The following GAL3ST1 variants were observed in gnomAD, a reference collection of about 807,000 sequenced individuals.
GAL3ST1 encodes the protein galactosylceramide sulfotransferase.
Under a neutral mutation model 25.0 loss-of-function variants are expected in GAL3ST1, and 13 were observed. The ratio of observed to expected loss-of-function variants is 0.52; its 90% CI spans 0.34 to 0.83. The LOEUF is 0.83. GAL3ST1 is among the 40% of genes least tolerant of loss of function. GAL3ST1 has a pLI of 0.02. For missense variants in GAL3ST1, 474 were observed against 613.6 expected (o/e 0.77, Z 2.40); for synonymous variants, 274 against 277.8 (o/e 0.99, Z 0.14).
At chr22:30,570,525 G>C (rs2086748749) in intron 1 of GAL3ST1, among the ~76,000 whole-genome samples, 2 of 152,222 alleles carry the variant, frequency 1.3e-5, no homozygotes, top group African/African-American at 4.8e-5. Flanking sequence ...GACCGGATGT[G>C]GTGGCTCACG....
At chr22:30,563,756 A>G (rs1388046590) in intron 1 of GAL3ST1, among the ~76,000 whole-genome samples, 1 of 122,076 alleles carries the variant, frequency 8.2e-6, no homozygotes, top group African/African-American at 3.3e-5. Flanking sequence ...TACTAAAAAT[A>G]CAAAAAAAAA....
At chr22:30,572,382 C>T (rs1289952137) in intron 1 of GAL3ST1, among the ~76,000 whole-genome samples, 1 of 152,228 alleles carries the variant, frequency 6.6e-6, no homozygotes, top group Non-Finnish European at 1.5e-5. Context: ...CAAATGCTGG[C>T]TCCACCACCC....
intron 1 of GAL3ST1, among the ~76,000 whole-genome samples, chr22:30,563,512 A>C (rs1274126054): frequency 6.6e-6 from 1 of 152,204 alleles, no homozygotes; most frequent in African/African-American, 2.4e-5. Flanking sequence ...GCTACTGGGG[A>C]GGCTGAGGCG....
At chr22:30,568,489 G>A (rs1175151363) in intron 1 of GAL3ST1, among the ~76,000 whole-genome samples, 2 of 152,166 alleles carry the variant, frequency 1.3e-5, no homozygotes, top group East Asian at 1.9e-4. Flanking sequence ...GGAGCTGGGA[G>A]GAGCCTAGGT....
chr22:30,557,318 G>A lies in GAL3ST1; in HGVS notation c.75C>T (p.Phe25=), dbSNP rs765213740. ...CGGCATAGGAGTACACCAGCAGCAG[G>A]AAACTAGTGAAGAGCGCGCCCAGCA... ...GLVLGALFTS[F]LLLVYSYAVP... Residue 25 remains phenylalanine, a synonymous_variant, in exon 3 of 4, where the codon TTC becomes TTT. Coordinates refer to ENST00000406361, the MANE Select transcript of GAL3ST1 (RefSeq NM_001318104.2). 22 of 1,614,224 alleles carry A rather than the reference G, an allele frequency of 1.4e-5. No homozygotes were observed. The highest frequency in any genetic ancestry group is 2.2e-5 in the South Asian group (2 of 91,080).
At chr22:30,568,442 G>C (rs1378005562) in intron 1 of GAL3ST1, among the ~76,000 whole-genome samples, 1 of 152,194 alleles carries the variant, frequency 6.6e-6, no homozygotes, top group Admixed American at 6.5e-5. Flanking sequence ...CCATTTACTG[G>C]ATGAACGGGG....
chr22:30,557,811 T>C (rs1360564162), intron 2 of GAL3ST1: 2 of 153,490 alleles, frequency 1.3e-5, no homozygotes, highest in East Asian at 3.8e-4. Context: ...TTATCTTATT[T>C]TTTCTTCTGT....
chr22:30,569,931 A>G (rs564786116), intron 1 of GAL3ST1, among the ~76,000 whole-genome samples: 147 of 152,172 alleles, frequency 9.7e-4, no homozygotes, highest in Middle Eastern at 6.8e-3. Context: ...AAAAATTTAA[A>G]CATTAGCCCT....
At chr22:30,564,212 C>A (rs1455252726) in intron 1 of GAL3ST1, among the ~76,000 whole-genome samples, 1 of 152,182 alleles carries the variant, frequency 6.6e-6, no homozygotes, top group Non-Finnish European at 1.5e-5. Context: ...AGTCACTCAG[C>A]AGGGCCTGCC....
chr22:30,564,305 ATGGAGGCT>A (rs574200320), intron 1 of GAL3ST1, among the ~76,000 whole-genome samples: 191 of 152,356 alleles, frequency 1.3e-3, no homozygotes, highest in African/African-American at 4.0e-3. Flanking sequence ...CTGGCCCACG[ATGGAGGCT>A]TGCAGGCAGC....
rs539400681 is a variant in GAL3ST1, at chr22:30,571,801, T to C, written c.-120+2665A>G. On this transcript the variant is annotated intron_variant, in intron 1 of 3. Transcript: ENST00000406361. ...ATGGTGTGAACCTGGGAGGCGGAGCTTGCAGTGAGCCGAGATTGCACCACT... is the reference window on the plus strand; with the variant it reads ...ATGGTGTGAACCTGGGAGGCGGAGCCTGCAGTGAGCCGAGATTGCACCACT... 2.0e-5 allele frequency among the ~76,000 whole-genome samples: 3 copies of C among 152,180 alleles called. No individual in the cohort carries two copies. In the South Asian group the frequency reaches 6.2e-4, roughly 32 times the overall value.
chr22:30,573,064 C>T (rs147261606), intron 1 of GAL3ST1, among the ~76,000 whole-genome samples: 91 of 152,264 alleles, frequency 6.0e-4, no homozygotes, highest in Middle Eastern at 6.8e-3. Context: ...AGGGCTCTGC[C>T]TGAGCAAGCA....
At chr22:30,562,065 T>A (rs531424325) in intron 1 of GAL3ST1, among the ~76,000 whole-genome samples, 26 of 152,180 alleles carry the variant, frequency 1.7e-4, no homozygotes, top group Admixed American at 1.1e-3. Context: ...ATAATTTTTT[T>A]AAAAAGACAG....
chr22:30,557,513 C>T, intron 2 of GAL3ST1, 112 bp from the exon 3 acceptor site: 5 of 1,150,912 alleles, frequency 4.3e-6, no homozygotes, highest in South Asian at 1.4e-5. Flanking sequence ...TGTGGCCCCC[C>T]AGCAGGGTCC....
intron 1 of GAL3ST1, among the ~76,000 whole-genome samples, chr22:30,568,962 G>A (rs934976554): frequency 6.6e-6 from 1 of 151,790 alleles, no homozygotes; most frequent in African/African-American, 2.4e-5. Context: ...TGTAATACCA[G>A]CTACTCGGGA....
At chr22:30,561,497 A>G (rs1279430622) in intron 1 of GAL3ST1, among the ~76,000 whole-genome samples, 1 of 152,210 alleles carries the variant, frequency 6.6e-6, no homozygotes, top group African/African-American at 2.4e-5. Flanking sequence ...AGGAGGTGAC[A>G]TAACTTGTCC....
Position 30,555,362 on chromosome 22 carries a change from C to T in GAL3ST1, c.863G>A (p.Arg288Gln), listed in dbSNP as rs1273509443. The change falls in exon 4 of 4, where the codon CGG becomes CAG. Residue 288 changes from arginine to glutamine, a missense_variant. Arg to Gln is a conservative substitution (Grantham distance 43, BLOSUM62 1). Transcript: ENST00000406361. This position sits in a 1 kb window ranked among gnomAD's most constrained non-coding sequence, Gnocchi z 8.6. ...LNARRDSPVPRLSGELYGRAT... is the reference protein window; with the variant it reads ...LNARRDSPVPQLSGELYGRAT... Reference sequence around the variant, plus strand: ...GCGCCCATACAGCTCCCCCGAGAGCCGCGGCACGGGCGAGTCGCGGCGGGC... The same window carrying T: ...GCGCCCATACAGCTCCCCCGAGAGCTGCGGCACGGGCGAGTCGCGGCGGGC... The T allele has an allele frequency of 4.4e-6, 7 of 1,608,444 alleles. No homozygotes were observed. In the South Asian group the frequency reaches 4.4e-5, roughly 10 times the overall value.
At chr22:30,564,181 C>T (rs921096494) in intron 1 of GAL3ST1, among the ~76,000 whole-genome samples, 2 of 152,186 alleles carry the variant, frequency 1.3e-5, no homozygotes, top group African/African-American at 4.8e-5. Context: ...GCACCCAGCC[C>T]GAGGCTGGTG....
At chr22:30,559,735 G>A (rs5749126) in intron 1 of GAL3ST1, among the ~76,000 whole-genome samples, 6,892 of 152,232 alleles carry the variant, frequency 0.045, 406 homozygotes, top group East Asian at 0.17. Context: ...ATCAGCAGGG[G>A]ACTGAGACAT....
Sources: gnomAD v4.1 joint callset for allele counts (sites outside exome capture counted in the v4.1 genomes callset) on GRCh38, gnomAD v4.1.1 for gene constraint, Gnocchi (gnomAD v3.1) non-coding constraint, MANE v1.5 for transcripts, NCBI Gene and HGNC (gene_info 2026-07-23, HGNC 2026-07-21) for gene names.